Variants in NCAM1 observed in about 807,000 individuals in gnomAD.
NCAM1 encodes the protein antigen recognized by monoclonal antibody 5.1H11.
A neutral mutation model predicts 109.8 loss-of-function variants in NCAM1; 14 were observed. The ratio of observed to expected loss-of-function variants is 0.13; its 90% CI spans 0.08 to 0.20. The LOEUF (loss-of-function observed/expected upper bound fraction) is 0.20, where lower values mean the gene tolerates loss of function less well. Ranked by LOEUF, NCAM1 falls within the 10% of genes least tolerant of loss-of-function variation. NCAM1 has a pLI of 1.00. For synonymous variants in NCAM1, 418 were observed against 442.9 expected, an observed-to-expected ratio of 0.94 and a Z score of 0.70; for missense variants, 774 against 1,109.9, an observed-to-expected ratio of 0.70 and a Z score of 4.30.
intron 1 of NCAM1, among the ~76,000 whole-genome samples, chr11:113,018,737 A>G (rs191729708): frequency 6.6e-6 from 1 of 152,198 alleles, no homozygotes; most frequent in East Asian, 1.9e-4. Flanking sequence ...CTTGGTTTTT[A>G]ATTTTTTTAA....
intron 1 of NCAM1, among the ~76,000 whole-genome samples, chr11:113,161,409 C>T (rs559197078): frequency 2.2e-4 from 34 of 152,178 alleles, no homozygotes; most frequent in Middle Eastern, 3.4e-3. Context: ...CCTGTGCCCC[C>T]GAAAGAGTTC....
At chr11:113,078,385 G>T (rs1591306486) in intron 1 of NCAM1, among the ~76,000 whole-genome samples, 2 of 146,740 alleles carry the variant, frequency 1.4e-5, no homozygotes, top group Middle Eastern at 3.5e-3. Context: ...AGACCCTTTT[G>T]TTTTTTTTTT....
intron 14 of NCAM1, chr11:113,242,927 G>A: frequency 1.2e-6 from 2 of 1,607,446 alleles, no homozygotes; most frequent in Non-Finnish European, 1.7e-6. Context: ...AGCGCTGCCT[G>A]TTGTTTTCCC....
At chr11:113,258,030 T>C (rs1293724653) in intron 16 of NCAM1, among the ~76,000 whole-genome samples, 3 of 152,258 alleles carry the variant, frequency 2.0e-5, no homozygotes, top group Non-Finnish European at 4.4e-5. Context: ...CTGGGAGGAC[T>C]GCTTTGCTGT....
chr11:113,236,264 T>A, intron 14 of NCAM1: 1 of 1,612,324 alleles, frequency 6.2e-7, no homozygotes, highest in South Asian at 1.1e-5. Flanking sequence ...TCTCTTGTTT[T>A]TTCTTTTCGT....
At chr11:113,107,156 T>A (rs1362920652) in intron 1 of NCAM1, among the ~76,000 whole-genome samples, 14 of 152,142 alleles carry the variant, frequency 9.2e-5, no homozygotes, top group African/African-American at 3.4e-4. Context: ...TGGGAGAGTG[T>A]GGTTATATGG....
chr11:113,024,014 G>A (rs1434252530), intron 1 of NCAM1, among the ~76,000 whole-genome samples: 1 of 152,172 alleles, frequency 6.6e-6, no homozygotes, highest in African/African-American at 2.4e-5. Flanking sequence ...GATTTAAAAA[G>A]TTGGGTCCGG....
chr11:113,259,368 C>T (rs950839980), intron 16 of NCAM1, among the ~76,000 whole-genome samples: 9 of 151,748 alleles, frequency 5.9e-5, no homozygotes, highest in Non-Finnish European at 1.0e-4. Context: ...TCATTTTTAA[C>T]GAAACTGGAA....
chr11:113,241,946 C>T (rs1555119183), intron 14 of NCAM1, among the ~76,000 whole-genome samples: 5 of 152,208 alleles, frequency 3.3e-5, no homozygotes. Flanking sequence ...CAGAAGCATG[C>T]CCACCATCCC....
intron 1 of NCAM1, among the ~76,000 whole-genome samples, chr11:113,008,930 G>A (rs1373109257): frequency 3.9e-5 from 6 of 152,176 alleles, no homozygotes; most frequent in Admixed American, 1.3e-4. Context: ...GCACAGAATG[G>A]AAGACCAAGG....
intron 1 of NCAM1, among the ~76,000 whole-genome samples, chr11:113,149,193 TG>T (rs1322712394): frequency 2.0e-5 from 3 of 152,054 alleles, no homozygotes; most frequent in Non-Finnish European, 4.4e-5. Flanking sequence ...GCCTGCCAGC[TG>T]GGGGGGCCTT....
chr11:113,231,235 G>A (rs267602694), intron 9 of NCAM1: 271 of 1,536,032 alleles, frequency 1.8e-4, no homozygotes, highest in Non-Finnish European at 2.2e-4. Flanking sequence ...CAGACAGAAA[G>A]GACAGGCTGG....
At chr11:113,063,512 G>A (rs1937781070) in intron 1 of NCAM1, among the ~76,000 whole-genome samples, 1 of 152,192 alleles carries the variant, frequency 6.6e-6, no homozygotes, top group African/African-American at 2.4e-5. Flanking sequence ...AGCATCCAGT[G>A]TTACTCATCT....
chr11:113,068,157 C>T (rs934697457), intron 1 of NCAM1, among the ~76,000 whole-genome samples: 1 of 152,114 alleles, frequency 6.6e-6, no homozygotes, highest in African/African-American at 2.4e-5. Flanking sequence ...GTGATCCACC[C>T]GCCTTGGCCT....
intron 1 of NCAM1, among the ~76,000 whole-genome samples, chr11:112,967,946 G>C (rs1312767002): frequency 6.6e-6 from 1 of 152,184 alleles, no homozygotes; most frequent in Non-Finnish European, 1.5e-5. Context: ...TTTTGCGAAG[G>C]TTAGTTGAAT....
chr11:113,115,366 C>G (rs1260687627), intron 1 of NCAM1, among the ~76,000 whole-genome samples: 4 of 152,122 alleles, frequency 2.6e-5, no homozygotes, highest in Non-Finnish European at 5.9e-5. Context: ...AGGTTCAAAA[C>G]ATAAGCACAG....
At chr11:112,978,073 A>C (rs1555067990) in intron 1 of NCAM1, among the ~76,000 whole-genome samples, 3 of 151,796 alleles carry the variant, frequency 2.0e-5, no homozygotes, top group African/African-American at 7.2e-5. Flanking sequence ...TGGGGTGAAG[A>C]GGAAAGTGAC....
intron 7 of NCAM1, among the ~76,000 whole-genome samples, chr11:113,212,023 C>A (rs185664215): frequency 1.3e-5 from 2 of 152,222 alleles, no homozygotes; most frequent in African/African-American, 4.8e-5. Flanking sequence ...AAGATGAAAC[C>A]CAGAGAGATC....
rs140282915 is a variant in NCAM1 at position 112,974,714 on chromosome 11, G to A, written c.52+13050G>A. On this transcript the variant is annotated intron_variant, in intron 1 of 19. Coordinates refer to ENST00000316851, the MANE Select transcript of NCAM1 (RefSeq NM_181351.5). ...TATATGCAAGGACAAAGTGCATCTG[G>A]TTCAATCTCTCTATTTATAAAAATT... Among the ~76,000 whole-genome samples, 303 of 152,002 alleles carry A rather than the reference G, an allele frequency of 2.0e-3. 1 individual carries two copies. Among genetic ancestry groups the A allele is most frequent in the Non-Finnish European group, 2.9e-3 (198 of 67,934 alleles).
Sources: gnomAD v4.1 joint callset for allele counts (sites outside exome capture counted in the v4.1 genomes callset) on GRCh38, gnomAD v4.1.1 for gene constraint, MANE v1.5 for transcripts, NCBI Gene and HGNC (gene_info 2026-07-23, HGNC 2026-07-21) for gene names.